KCTD14: variants seen among roughly 807,000 people sequenced by gnomAD.
KCTD14 encodes BTB/POZ domain-containing protein KCTD14.
Under a neutral mutation model 5.9 loss-of-function variants are expected in KCTD14, and 7 were observed. The ratio of observed to expected loss-of-function variants is 1.19; its 90% CI spans 0.68 to 2.23. The LOEUF (loss-of-function observed/expected upper bound fraction) is 2.23, where lower values mean the gene tolerates loss of function less well. Among genes scored for constraint, KCTD14 ranks in the 30% most tolerant of loss-of-function variants. The probability of loss-of-function intolerance (pLI) is 0.00; values close to 1 mark genes in which losing one functional copy is unlikely to be tolerated. For missense variants in KCTD14, 342 were observed against 332.2 expected, an observed-to-expected ratio of 1.03 and a Z score of -0.23; for synonymous variants, 140 against 133.1, an observed-to-expected ratio of 1.05 and a Z score of -0.36.
chr11:78,037,198 A>AGTG (rs1368216799), intron 2 of KCTD14, among the ~76,000 whole-genome samples: 1 of 152,170 alleles, frequency 6.6e-6, no homozygotes, highest in East Asian at 1.9e-4. Context: ...GGGAGCAAAT[A>AGTG]GTGCCTGCTG....
intron 2 of KCTD14, among the ~76,000 whole-genome samples, chr11:78,032,561 G>T (rs908837056): frequency 6.6e-6 from 1 of 152,130 alleles, no homozygotes; most frequent in African/African-American, 2.4e-5. Flanking sequence ...GCTAAACCAC[G>T]ATTCAAATCC....
intron 1 of KCTD14, among the ~76,000 whole-genome samples, chr11:78,017,704 C>G (rs1157042364): frequency 1.3e-5 from 2 of 152,108 alleles, no homozygotes; most frequent in African/African-American, 4.8e-5. Flanking sequence ...CTCAGCCTCC[C>G]ACAGTGCCCG....
At chr11:78,027,618 C>G (rs1258693229), upstream of KCTD14, among the ~76,000 whole-genome samples, 1 of 152,082 alleles carries the variant, frequency 6.6e-6, no homozygotes, top group Non-Finnish European at 1.5e-5. Flanking sequence ...GGCTCGGCCT[C>G]CCAAAGTGCT....
intron 1 of KCTD14, 147 bp downstream of exon 1, chr11:78,023,013 C>T: frequency 1.7e-6 from 1 of 605,890 alleles, no homozygotes; most frequent in East Asian, 3.0e-5. Flanking sequence ...AGAGAGCGAC[C>T]AGCCCGAGGT....
intron 1 of KCTD14, among the ~76,000 whole-genome samples, chr11:78,043,225 T>C (rs889165169): frequency 2.6e-5 from 4 of 151,938 alleles, no homozygotes; most frequent in Non-Finnish European, 5.9e-5. Flanking sequence ...CAAAATACTC[T>C]CATGTGTACT....
chr11:78,022,863 A>G, intron 1 of KCTD14: 1 of 347,912 alleles, frequency 2.9e-6, no homozygotes, highest in Non-Finnish European at 5.2e-6. Context: ...TGGGGAAGAG[A>G]CAAGGGAAAG....
At chr11:78,021,661 A>G (rs1423338926) in intron 1 of KCTD14, among the ~76,000 whole-genome samples, 1 of 152,046 alleles carries the variant, frequency 6.6e-6, no homozygotes, top group Non-Finnish European at 1.5e-5. Flanking sequence ...TAGGTGGTCC[A>G]CCCACCTCTG....
intron 2 of KCTD14, among the ~76,000 whole-genome samples, chr11:78,037,510 A>G (rs1328983096): frequency 6.6e-6 from 1 of 152,172 alleles, no homozygotes; most frequent in African/African-American, 2.4e-5. Context: ...CCTCCTGCTG[A>G]GCCCCCAGAA....
intron 2 of KCTD14, among the ~76,000 whole-genome samples, chr11:78,030,783 TGGCAGCCTGG>T: frequency 6.6e-6 from 1 of 152,224 alleles, no homozygotes. Context: ...AGCCCAGGCT[TGGCAGCCTGG>T]GGCTCAGCTG....
At chr11:78,034,120 T>C (rs1291176668) in intron 2 of KCTD14, among the ~76,000 whole-genome samples, 1 of 151,188 alleles carries the variant, frequency 6.6e-6, no homozygotes, top group Non-Finnish European at 1.5e-5. Context: ...CCCAGCTCTT[T>C]TATTTATTTA....
At chr11:78,039,488 C>T (rs1857929423) in intron 1 of KCTD14, among the ~76,000 whole-genome samples, 1 of 150,666 alleles carries the variant, frequency 6.6e-6, no homozygotes, top group Non-Finnish European at 1.5e-5. Context: ...ATGATCTCAC[C>T]ACTGTACTCC....
At chr11:78,029,641 T>C (rs1857560246) in intron 2 of KCTD14, among the ~76,000 whole-genome samples, 1 of 152,212 alleles carries the variant, frequency 6.6e-6, no homozygotes, top group African/African-American at 2.4e-5. Context: ...TAGGACTGAG[T>C]TGTTTGCAAA....
chr11:78,026,698 G>C (rs1176284649), upstream of KCTD14, among the ~76,000 whole-genome samples: 1 of 152,126 alleles, frequency 6.6e-6, no homozygotes, highest in Non-Finnish European at 1.5e-5. Context: ...GAGCCTAGGA[G>C]GTCAGGGCTG....
Position 78,043,457 on chromosome 11 carries a change from G to A in KCTD14, c.-96+2604C>T, listed in dbSNP as rs1308461042. On this transcript the variant is annotated intron_variant, in intron 1 of 2. Coordinates refer to the KCTD14 transcript ENST00000533144. ...TGCACCCAGCCTGTGTGTGCTTTTC[G>A]TATGAAACAATTAAACATACTCAAT... Among the ~76,000 whole-genome samples the A allele has an allele frequency of 6.6e-5, 10 of 152,248 alleles. No homozygotes were observed. In the East Asian group the frequency reaches 7.7e-4, roughly 12 times the overall value.
chr11:78,031,689 G>T (rs545484787), intron 2 of KCTD14, among the ~76,000 whole-genome samples: 1 of 152,056 alleles, frequency 6.6e-6, no homozygotes, highest in Non-Finnish European at 1.5e-5. Flanking sequence ...CACCCAGCCC[G>T]TAATCCCTTT....
chr11:78,025,118 G>GTGTGTGTGTATATATA (rs1230114793), upstream of KCTD14, among the ~76,000 whole-genome samples: 1 of 44,484 alleles, frequency 2.2e-5, no homozygotes, highest in African/African-American at 6.9e-5. Flanking sequence ...GTGTGTGTGT[G>GTGTGTGTGTATATATA]TATATATATA....
chr11:78,024,025 A>G (rs2136715700), upstream of KCTD14, among the ~76,000 whole-genome samples: 1 of 152,308 alleles, frequency 6.6e-6, no homozygotes, highest in East Asian at 1.9e-4. Flanking sequence ...CCAGATGGAA[A>G]GAGGTTGAGT....
chr11:78,038,758 CCT>C lies in KCTD14; in HGVS notation c.-95-2_-95-1del. 1 of 1,535,698 alleles carries C rather than the reference CCT, an allele frequency of 6.5e-7. No homozygotes were observed. The highest frequency in any genetic ancestry group is 8.7e-7 in the Non-Finnish European group (1 of 1,146,890). On this transcript the variant is annotated splice_acceptor_variant, in intron 1 of 2. Coordinates refer to the KCTD14 transcript ENST00000533144. LOFTEE classifies it low-confidence loss of function (5UTR_SPLICE). Reference sequence around the variant, plus strand: ...CAAGCAACAGAGGCCAATGTCACCCCCTGAAACAGAAAGAGAATTTCTTAGAA... The same window carrying C: ...CAAGCAACAGAGGCCAATGTCACCCCGAAACAGAAAGAGAATTTCTTAGAA...
At chr11:78,019,873 A>ACTC (rs758976955) in intron 1 of KCTD14, among the ~76,000 whole-genome samples, 3 of 152,094 alleles carry the variant, frequency 2.0e-5, no homozygotes, top group African/African-American at 4.8e-5. Context: ...CAGAATCTGA[A>ACTC]CTCAGGTCCG....
Sources: gnomAD v4.1 joint callset for allele counts (sites outside exome capture counted in the v4.1 genomes callset) on GRCh38, gnomAD v4.1.1 for gene constraint, MANE v1.5 for transcripts, NCBI Gene and HGNC (gene_info 2026-07-23, HGNC 2026-07-21) for gene names.